The following PPP1R21 variants were observed in gnomAD, a reference collection of about 807,000 sequenced individuals.
The protein encoded by PPP1R21 is KLRAQ motif containing 1.
A neutral mutation model predicts 112.8 loss-of-function variants in PPP1R21; 85 were observed. The observed-to-expected ratio is 0.75, with a 90% CI of 0.63 to 0.90. The LOEUF (loss-of-function observed/expected upper bound fraction) is 0.90. PPP1R21 is among the 40% of genes least tolerant of loss of function. PPP1R21 has a pLI of 0.00. For synonymous variants in PPP1R21, 381 were observed against 322.3 expected (o/e 1.18, Z -1.95); for missense variants, 1,199 against 901.5 (o/e 1.33, Z -4.23).
At chr2:48,476,826 A>T (rs1668777672) in intron 12 of PPP1R21, among the ~76,000 whole-genome samples, 1 of 152,110 alleles carries the variant, frequency 6.6e-6, no homozygotes, top group Admixed American at 6.5e-5. Context: ...AGAGTTCTTT[A>T]TGTATTATAC....
chr2:48,509,914 G>A, intron 19 of PPP1R21, 101 bp from the exon 20 acceptor site: 3 of 679,594 alleles, frequency 4.4e-6, no homozygotes, highest in Non-Finnish European at 7.5e-6. Flanking sequence ...GAATGAATGA[G>A]TAGCTTTGGC....
intron 11 of PPP1R21, among the ~76,000 whole-genome samples, chr2:48,473,476 G>T (rs185663024): frequency 9.9e-4 from 151 of 152,314 alleles, no homozygotes; most frequent in African/African-American, 1.4e-3. Context: ...AACACTGGAT[G>T]AATTCTTTCT....
intron 1 of PPP1R21, among the ~76,000 whole-genome samples, chr2:48,443,376 A>G: frequency 6.6e-6 from 1 of 152,228 alleles, no homozygotes; most frequent in East Asian, 1.9e-4. Context: ...TGTTATTCAC[A>G]TATTATTAGT....
chr2:48,468,223 A>G (rs1325807059), intron 9 of PPP1R21, among the ~76,000 whole-genome samples: 1 of 152,232 alleles, frequency 6.6e-6, no homozygotes, highest in Non-Finnish European at 1.5e-5. Context: ...AAGATAATAC[A>G]TGTAAAGCAC....
intron 11 of PPP1R21, among the ~76,000 whole-genome samples, chr2:48,473,535 C>A (rs1668615592): frequency 6.6e-6 from 1 of 152,184 alleles, no homozygotes; most frequent in South Asian, 2.1e-4. Flanking sequence ...ATGCTTTCAG[C>A]CCTGCTTCAC....
chr2:48,504,789 G>T (rs1255410048), intron 17 of PPP1R21, among the ~76,000 whole-genome samples: 1 of 152,144 alleles, frequency 6.6e-6, no homozygotes, highest in Non-Finnish European at 1.5e-5. Flanking sequence ...CAGAAATCAT[G>T]ACCATCTGTT....
intron 21 of PPP1R21, among the ~76,000 whole-genome samples, chr2:48,513,047 G>T (rs62135172): frequency 0.11 from 17,247 of 152,154 alleles, 1,287 homozygotes; most frequent in Middle Eastern, 0.24. Flanking sequence ...AATTTGAAAA[G>T]AAGTAGCAAT....
intron 17 of PPP1R21, among the ~76,000 whole-genome samples, chr2:48,504,488 A>G (rs893977090): frequency 3.5e-4 from 54 of 152,130 alleles, no homozygotes; most frequent in African/African-American, 1.2e-3. Flanking sequence ...AAAGATACAA[A>G]AAATTAGCTG....
Position 48,461,496 on chromosome 2 carries a change from A to G in PPP1R21, c.694+264A>G, listed in dbSNP as rs61387839. The stretch of plus-strand genomic sequence containing the variant: ...TTGCATGTATTTAGCATTTTCCAAG[A>G]TAAAAAACAACCTGCACATAAATAG... On this transcript the variant is annotated intron_variant, in intron 7 of 21. Coordinates refer to ENST00000294952, the MANE Select transcript of PPP1R21 (RefSeq NM_001135629.3). 0.28 allele frequency among the ~76,000 whole-genome samples: 43,042 copies of G among 152,084 alleles called. 6,434 individuals carry two copies. Among genetic ancestry groups the G allele is most frequent in the Admixed American group, 0.32 (4,958 of 15,268 alleles).
At chr2:48,505,476 G>T in intron 17 of PPP1R21, 88 bp from the exon 18 acceptor site, 1 of 964,580 alleles carries the variant, frequency 1.0e-6, no homozygotes, top group Non-Finnish European at 1.6e-6. Context: ...CTCTGTGAAC[G>T]GAGAGGAGAA....
chr2:48,507,848 C>G (rs1206747274), intron 19 of PPP1R21, among the ~76,000 whole-genome samples: 1 of 136,380 alleles, frequency 7.3e-6, no homozygotes, highest in Non-Finnish European at 1.5e-5. Flanking sequence ...TCAGTACAAC[C>G]TCCGCCTCCT....
chr2:48,471,393 C>T (rs1288567609), intron 11 of PPP1R21, 26 bp downstream of exon 11: 3 of 1,582,460 alleles, frequency 1.9e-6, no homozygotes, highest in African/African-American at 1.4e-5. Context: ...GGCCAGGGAA[C>T]TTGGGGAATT....
At chr2:48,473,649 G>T (rs1224436285) in intron 11 of PPP1R21, among the ~76,000 whole-genome samples, 1 of 152,198 alleles carries the variant, frequency 6.6e-6, no homozygotes, top group East Asian at 1.9e-4. Flanking sequence ...AGAATGGAAT[G>T]AAGCTGTCTG....
At chr2:48,496,263 C>G (rs1256404900) in intron 16 of PPP1R21, among the ~76,000 whole-genome samples, 1 of 152,066 alleles carries the variant, frequency 6.6e-6, no homozygotes, top group Non-Finnish European at 1.5e-5. Flanking sequence ...GCTGGTAACT[C>G]CCATAGTCCT....
chr2:48,509,306 C>T (rs1337015691), intron 19 of PPP1R21, among the ~76,000 whole-genome samples: 1 of 151,710 alleles, frequency 6.6e-6, no homozygotes, highest in Non-Finnish European at 1.5e-5. Context: ...AGAAAAGTAC[C>T]TTAGGATCCA....
chr2:48,468,590 A>C (rs1668308476), intron 9 of PPP1R21, among the ~76,000 whole-genome samples: 1 of 152,128 alleles, frequency 6.6e-6, no homozygotes, highest in Non-Finnish European at 1.5e-5. Flanking sequence ...AGGCGGGTGG[A>C]TCGCTTGACC....
At chr2:48,509,336 C>G (rs1241817440) in intron 19 of PPP1R21, among the ~76,000 whole-genome samples, 1 of 151,386 alleles carries the variant, frequency 6.6e-6, no homozygotes, top group Non-Finnish European at 1.5e-5. Flanking sequence ...GTCAGAAGCT[C>G]CTGATAACTT....
chr2:48,440,827 G>T lies in PPP1R21; in HGVS notation c.-127G>T, dbSNP rs1666979731. 4.3e-6 allele frequency: 3 copies of T among 689,700 alleles called. No homozygotes were observed. The highest frequency in any genetic ancestry group is 7.5e-6 in the Non-Finnish European group (3 of 401,246). 42.7% of individuals were successfully genotyped at this position (689,700 alleles called of 1,614,324 possible). ...GAGGAGGAGGCGCGGCGGCGGCGGC[G>T]GCGGCGGCTGCGGTGGCCAAGCAGG... On this transcript the variant is annotated 5_prime_UTR_variant, in exon 1 of 22. Transcript: ENST00000294952.
intron 21 of PPP1R21, among the ~76,000 whole-genome samples, chr2:48,511,947 T>C (rs992180759): frequency 2.0e-4 from 31 of 152,196 alleles, no homozygotes; most frequent in Admixed American, 2.0e-4. Flanking sequence ...GTATTAAGTG[T>C]CTTTGGCTGA....
Sources: allele counts gnomAD v4.1 joint callset (sites outside exome capture counted in the v4.1 genomes callset), GRCh38; gene constraint gnomAD v4.1.1; transcripts MANE v1.5; gene names NCBI Gene and HGNC (gene_info 2026-07-23, HGNC 2026-07-21).